PPP1R12A: variants seen among roughly 807,000 people sequenced by gnomAD.
PPP1R12A encodes protein phosphatase 1 regulatory subunit 12A.
Under a neutral mutation model 139.6 loss-of-function variants are expected in PPP1R12A, and 19 were observed. That is an observed-to-expected ratio of 0.14 (90% CI 0.09 to 0.20). The LOEUF (loss-of-function observed/expected upper bound fraction) is 0.20, where lower values mean the gene tolerates loss of function less well. PPP1R12A is among the 10% of genes least tolerant of loss of function. The pLI, the probability that PPP1R12A is intolerant of heterozygous loss-of-function variation, is 1.00. For synonymous variants in PPP1R12A, 427 were observed against 420.6 expected (o/e 1.02, Z -0.19); for missense variants, 925 against 1,211.5 (o/e 0.76, Z 3.51).
At chr12:79,838,970 C>G (rs1438466663) in intron 3 of PPP1R12A, among the ~76,000 whole-genome samples, 1 of 152,194 alleles carries the variant, frequency 6.6e-6, no homozygotes, top group Non-Finnish European at 1.5e-5. Context: ...GATCCACTGA[C>G]ACCTTGCACT....
intron 1 of PPP1R12A, among the ~76,000 whole-genome samples, chr12:79,897,918 G>T (rs1364568544): frequency 6.6e-6 from 1 of 152,150 alleles, no homozygotes; most frequent in African/African-American, 2.4e-5. Flanking sequence ...CCATTAATTT[G>T]CTCTGTTCTC....
chr12:79,870,481 T>C (rs918638518), intron 2 of PPP1R12A, among the ~76,000 whole-genome samples: 11 of 152,216 alleles, frequency 7.2e-5, no homozygotes, highest in African/African-American at 2.7e-4. Context: ...AATCATCCAG[T>C]ATATGCTAGA....
chr12:79,787,117 C>G (rs1369902382), intron 21 of PPP1R12A: 1 of 152,192 alleles, frequency 6.6e-6, no homozygotes, highest in African/African-American at 2.4e-5. Flanking sequence ...TGATCACCCT[C>G]TAATCTGTTT....
At chr12:79,920,938 T>A (rs1189991872) in intron 1 of PPP1R12A, among the ~76,000 whole-genome samples, 1 of 152,216 alleles carries the variant, frequency 6.6e-6, no homozygotes, top group Admixed American at 6.5e-5. Flanking sequence ...AACATCCTAG[T>A]CATTACTTGT....
chr12:79,806,944 G>C (rs17005957), intron 12 of PPP1R12A: 2,911 of 232,572 alleles, frequency 0.013, 95 homozygotes, highest in African/African-American at 0.064. Flanking sequence ...TGTTTAAGTT[G>C]TTCTAGTCAA....
intron 5 of PPP1R12A, among the ~76,000 whole-genome samples, chr12:79,827,025 G>A (rs948972985): frequency 2.0e-5 from 3 of 152,106 alleles, no homozygotes; most frequent in African/African-American, 7.2e-5. Flanking sequence ...TTCTGAAGGG[G>A]AATTTCTACA....
rs566911357 is a variant in PPP1R12A at position 79,850,081 on chromosome 12, G to A, written c.369-4661C>T. Among the ~76,000 whole-genome samples the A allele has an allele frequency of 7.9e-5, 12 of 152,060 alleles. No individual in the cohort carries two copies. In the South Asian group the frequency reaches 1.7e-3, roughly 21 times the overall value. On this transcript the variant is annotated intron_variant, in intron 2 of 24. Coordinates refer to ENST00000450142, the MANE Select transcript of PPP1R12A (RefSeq NM_002480.3). ...GGCATTATGCAATCCTCCCACCTTGGGATTACAGGTGTGAGCCACCGGGCC... is the reference window on the plus strand; with the variant it reads ...GGCATTATGCAATCCTCCCACCTTGAGATTACAGGTGTGAGCCACCGGGCC...
intron 19 of PPP1R12A, among the ~76,000 whole-genome samples, chr12:79,792,687 A>C (rs1018053074): frequency 2.0e-5 from 3 of 152,140 alleles, no homozygotes; most frequent in Non-Finnish European, 4.4e-5. Flanking sequence ...AAAGCCAGAC[A>C]ATCTCCCTTC....
chr12:79,906,251 TATG>T (rs1041484846), intron 1 of PPP1R12A, among the ~76,000 whole-genome samples: 56 of 152,230 alleles, frequency 3.7e-4, no homozygotes, highest in African/African-American at 1.3e-3. Context: ...AAATCAGCTA[TATG>T]ATAAGTGGGA....
At chr12:79,911,127 TCTA>T (rs1170213804) in intron 1 of PPP1R12A, among the ~76,000 whole-genome samples, 3 of 152,206 alleles carry the variant, frequency 2.0e-5, no homozygotes, top group Non-Finnish European at 4.4e-5. Flanking sequence ...GTTCATTTAA[TCTA>T]CTGTTAGAAA....
rs1876203162 is a variant in PPP1R12A, at chr12:79,822,208, G to A, written c.793-18C>T. The A allele has an allele frequency of 6.5e-7, 1 of 1,541,714 alleles. No homozygotes were observed. Among genetic ancestry groups the A allele is most frequent in the Non-Finnish European group, 8.9e-7 (1 of 1,126,502 alleles). ...GTTTGGCCCTACGTAGGAAACAAGG[G>A]GGGATGGTGATGGTCAAAAGTCAAT... On this transcript the variant is annotated intron_variant, in intron 5 of 24. Transcript: ENST00000450142.
intron 11 of PPP1R12A, 42 bp from the exon 12 acceptor site, chr12:79,807,372 A>T: frequency 7.9e-7 from 1 of 1,265,322 alleles, no homozygotes; most frequent in East Asian, 2.5e-5. Context: ...CATAATTTTA[A>T]AATAGGATTA....
At chr12:79,834,301 G>C (rs1233016982) in intron 3 of PPP1R12A, among the ~76,000 whole-genome samples, 1 of 152,190 alleles carries the variant, frequency 6.6e-6, no homozygotes, top group Non-Finnish European at 1.5e-5. Flanking sequence ...TCTGAAGTGG[G>C]AGCCTGCTAG....
At chr12:79,810,624 T>A (rs2542819) in intron 9 of PPP1R12A, among the ~76,000 whole-genome samples, 31,673 of 152,090 alleles carry the variant, frequency 0.21, 5,895 homozygotes, top group African/African-American at 0.49. Context: ...ATTTTATAAT[T>A]AACCCCAATA....
intron 9 of PPP1R12A, among the ~76,000 whole-genome samples, chr12:79,814,295 G>T (rs1409337293): frequency 6.6e-6 from 1 of 150,764 alleles, no homozygotes; most frequent in East Asian, 2.0e-4. Flanking sequence ...GGCTAACACG[G>T]TGAAACCCCG....
In PPP1R12A at chr12:79,774,012, G is replaced by T. The variant is rs1869495042; in HGVS notation, c.*1917C>A. 1 of 152,016 alleles carries T rather than the reference G, an allele frequency of 6.6e-6. No individual in the cohort carries two copies. 9.4% of individuals were successfully genotyped at this position (152,016 alleles called of 1,614,324 possible). ...CTAAATACAAAACACTAAAATATTAGAAACATGTATTTAATCATTCTTCAC... is the reference window on the plus strand; with the variant it reads ...CTAAATACAAAACACTAAAATATTATAAACATGTATTTAATCATTCTTCAC... On this transcript the variant is annotated 3_prime_UTR_variant, in exon 25 of 25. Coordinates refer to ENST00000450142, the MANE Select transcript of PPP1R12A (RefSeq NM_002480.3).
intron 1 of PPP1R12A, among the ~76,000 whole-genome samples, chr12:79,902,009 T>C (rs1885688982): frequency 6.6e-6 from 1 of 152,174 alleles, no homozygotes; most frequent in Admixed American, 6.5e-5. Flanking sequence ...TCAGGATATT[T>C]AAGGGTCTGA....
At chr12:79,891,004 T>C (rs1316862365) in intron 1 of PPP1R12A, among the ~76,000 whole-genome samples, 1 of 150,288 alleles carries the variant, frequency 6.7e-6, no homozygotes, top group Non-Finnish European at 1.5e-5. Flanking sequence ...GGAAAGGTTT[T>C]GGAAGAGAAG....
intron 22 of PPP1R12A, among the ~76,000 whole-genome samples, chr12:79,785,496 C>T (rs1458254512): frequency 1.3e-5 from 2 of 151,976 alleles, no homozygotes; most frequent in African/African-American, 4.8e-5. Flanking sequence ...TAAAGACTGA[C>T]CAAAAAAAGT....
Sources: gnomAD v4.1 joint callset for allele counts (sites outside exome capture counted in the v4.1 genomes callset) on GRCh38, gnomAD v4.1.1 for gene constraint, MANE v1.5 for transcripts, NCBI Gene and HGNC (gene_info 2026-07-23, HGNC 2026-07-21) for gene names.